SORCS1: variants seen among roughly 807,000 people sequenced by gnomAD.
SORCS1 encodes the protein VPS10 domain-containing receptor SorCS1.
A neutral mutation model predicts 146.1 loss-of-function variants in SORCS1; 60 were observed. The observed-to-expected ratio is 0.41, with a 90% CI of 0.33 to 0.51. SORCS1 has a LOEUF of 0.51. Among genes scored for constraint, SORCS1 ranks in the 20% least tolerant of loss-of-function variants. The pLI is 0.21. For missense variants in SORCS1, 1,352 were observed against 1,487.6 expected (o/e 0.91, Z 1.50); for synonymous variants, 637 against 584.0 (o/e 1.09, Z -1.31).
chr10:107,176,327 C>CTT, the SORCS1 span, among the ~76,000 whole-genome samples: 14 of 146,398 alleles, frequency 9.6e-5, no homozygotes, highest in African/African-American at 2.8e-4. Context: ...CTCTCTCTCT[C>CTT]TCTTTCTTTT....
At chr10:106,967,596 G>A (rs1955558098) in intron 1 of SORCS1, among the ~76,000 whole-genome samples, 1 of 152,184 alleles carries the variant, frequency 6.6e-6, no homozygotes, top group African/African-American at 2.4e-5. Flanking sequence ...CCAGGGAATA[G>A]GGGGAGAAGC....
chr10:107,044,647 C>A (rs1564965982), intron 1 of SORCS1, among the ~76,000 whole-genome samples: 3 of 150,648 alleles, frequency 2.0e-5, no homozygotes, highest in Non-Finnish European at 4.4e-5. Flanking sequence ...TATGGTGAAA[C>A]CCTGTCTCTA....
chr10:107,031,070 C>T (rs1005180449), intron 1 of SORCS1, among the ~76,000 whole-genome samples: 12 of 152,290 alleles, frequency 7.9e-5, no homozygotes, highest in African/African-American at 2.9e-4. Flanking sequence ...TCTGAAGGGA[C>T]AGCTCAGCCT....
At chr10:106,732,896 G>A (rs565500764) in intron 5 of SORCS1, among the ~76,000 whole-genome samples, 39 of 152,046 alleles carry the variant, frequency 2.6e-4, no homozygotes, top group African/African-American at 8.9e-4. Context: ...TAAGGCAGGC[G>A]GATAATGAGG....
intron 3 of SORCS1, among the ~76,000 whole-genome samples, chr10:106,793,237 T>C (rs1651229422): frequency 6.6e-6 from 1 of 152,212 alleles, no homozygotes; most frequent in Admixed American, 6.5e-5. Flanking sequence ...CCAAAATTAG[T>C]TCTGAAGGAA....
At chr10:106,784,309 G>A (rs1158590197) in intron 3 of SORCS1, among the ~76,000 whole-genome samples, 2 of 151,676 alleles carry the variant, frequency 1.3e-5, no homozygotes, top group African/African-American at 4.8e-5. Flanking sequence ...GCAGGAGAAT[G>A]GCATGAACCC....
At chr10:107,062,116 C>G (rs1374680094) in intron 1 of SORCS1, among the ~76,000 whole-genome samples, 1 of 152,250 alleles carries the variant, frequency 6.6e-6, no homozygotes, top group Non-Finnish European at 1.5e-5. Context: ...CAAATTCATG[C>G]AGCTAGGAAG....
At chr10:106,665,461 G>A (rs1388937491) in intron 17 of SORCS1, among the ~76,000 whole-genome samples, 1 of 148,820 alleles carries the variant, frequency 6.7e-6, no homozygotes, top group African/African-American at 2.5e-5. Context: ...GGACCCAAAC[G>A]ATCCTTCCAC....
chr10:106,644,122 A>C (rs1353161582), intron 18 of SORCS1, among the ~76,000 whole-genome samples: 1 of 152,168 alleles, frequency 6.6e-6, no homozygotes, highest in African/African-American at 2.4e-5. Flanking sequence ...ATACCTAGAT[A>C]TAAAGTACTA....
chr10:107,130,853 A>C (rs1966859790), intron 1 of SORCS1, among the ~76,000 whole-genome samples: 1 of 152,154 alleles, frequency 6.6e-6, no homozygotes, highest in African/African-American at 2.4e-5. Flanking sequence ...AAGTACCTTC[A>C]AAATGTTGTG....
At chr10:107,123,453 C>A (rs1966519244) in intron 1 of SORCS1, among the ~76,000 whole-genome samples, 1 of 152,096 alleles carries the variant, frequency 6.6e-6, no homozygotes. Flanking sequence ...AAGGCAGAAC[C>A]CTTTGAAAGC....
At chr10:107,095,064 A>T (rs1421272313) in intron 1 of SORCS1, among the ~76,000 whole-genome samples, 1 of 152,188 alleles carries the variant, frequency 6.6e-6, no homozygotes, top group African/African-American at 2.4e-5. Context: ...TAGGACACAG[A>T]TGTTACCTAA....
At chr10:107,063,010 C>T (rs189686082) in intron 1 of SORCS1, among the ~76,000 whole-genome samples, 251 of 152,262 alleles carry the variant, frequency 1.6e-3, no homozygotes, top group South Asian at 8.9e-3. Flanking sequence ...TTCCTTGACT[C>T]GTAAGAACCT....
At chr10:106,996,620 C>G (rs528702600) in intron 1 of SORCS1, among the ~76,000 whole-genome samples, 16 of 152,188 alleles carry the variant, frequency 1.1e-4, no homozygotes, top group African/African-American at 3.6e-4. Context: ...TTCGTCGTAC[C>G]AAAAAAATCA....
intron 2 of SORCS1, among the ~76,000 whole-genome samples, chr10:106,888,746 G>C (rs1294871263): frequency 1.4e-4 from 22 of 152,210 alleles, no homozygotes; most frequent in Non-Finnish European, 3.1e-4. Context: ...AACCAACAGT[G>C]CAAAGCATGA....
chr10:107,174,370 T>C, the SORCS1 span, among the ~76,000 whole-genome samples: 52,058 of 151,850 alleles, frequency 0.34, 11,526 homozygotes, highest in Middle Eastern at 0.53. Flanking sequence ...CATTCCCGGC[T>C]AATTTTTTGT....
rs189564363 is a variant in SORCS1 at position 106,616,441 on chromosome 10, C to T, written c.2920+1708G>A. Among the ~76,000 whole-genome samples, 297 of 152,274 alleles carry T rather than the reference C, an allele frequency of 2.0e-3. 1 individual carries two copies. Among genetic ancestry groups the T allele is most frequent in the Admixed American group, 0.018 (277 of 15,294 alleles). ...CACTTGCTAGCTGGGGCAAGTTATT[C>T]ATCACTCTGAAAAAAATGGGGATCA... On this transcript the variant is annotated intron_variant, in intron 21 of 25. Coordinates refer to ENST00000263054, the MANE Select transcript of SORCS1 (RefSeq NM_052918.5).
At chr10:106,722,142 C>CACACACACACAG (rs931525310) in intron 6 of SORCS1, among the ~76,000 whole-genome samples, 1 of 151,424 alleles carries the variant, frequency 6.6e-6, no homozygotes, top group South Asian at 2.1e-4. Flanking sequence ...CACACACACA[C>CACACACACACAG]ACACACATAT....
intron 3 of SORCS1, among the ~76,000 whole-genome samples, chr10:106,800,837 G>A (rs768430298): frequency 1.1e-4 from 17 of 152,034 alleles, no homozygotes; most frequent in African/African-American, 3.1e-4. Context: ...CACCGTACCC[G>A]GCCAGTTCCA....
Sources: allele counts gnomAD v4.1 joint callset (sites outside exome capture counted in the v4.1 genomes callset), GRCh38; gene constraint gnomAD v4.1.1; transcripts MANE v1.5; gene names NCBI Gene and HGNC (gene_info 2026-07-23, HGNC 2026-07-21).